The following NLK variants were observed in gnomAD, a reference collection of about 807,000 sequenced individuals.
NLK encodes nemo like kinase.
In NLK, 11 loss-of-function variants were observed where a neutral mutation model predicts 59.0. That is an observed-to-expected ratio of 0.19 (90% CI 0.12 to 0.31). The LOEUF (loss-of-function observed/expected upper bound fraction) is 0.31. Ranked by LOEUF, NLK falls within the 10% of genes least tolerant of loss-of-function variation. NLK has a pLI of 1.00. For synonymous variants in NLK, 235 were observed against 235.9 expected (o/e 1.00, Z 0.03); for missense variants, 410 against 661.1 (o/e 0.62, Z 4.16).
At chr17:28,084,794 C>T (rs1053450914) in intron 1 of NLK, among the ~76,000 whole-genome samples, 5 of 152,222 alleles carry the variant, frequency 3.3e-5, no homozygotes, top group Admixed American at 1.3e-4. Flanking sequence ...GAACTCCTAA[C>T]CTCATGATCT....
intron 1 of NLK, among the ~76,000 whole-genome samples, chr17:28,106,930 T>C (rs1384925942): frequency 6.6e-6 from 1 of 152,032 alleles, no homozygotes; most frequent in African/African-American, 2.4e-5. Context: ...CAAAAGGACC[T>C]AAAAAAGAAC....
chr17:28,200,593 C>A (rs1909604641), downstream of NLK, among the ~76,000 whole-genome samples: 2 of 152,342 alleles, frequency 1.3e-5, no homozygotes, highest in Admixed American at 1.3e-4. Flanking sequence ...AAGCGATTCT[C>A]CTGCCTCAGC....
At chr17:28,062,869 C>T (rs1277617958) in intron 1 of NLK, among the ~76,000 whole-genome samples, 5 of 152,222 alleles carry the variant, frequency 3.3e-5, no homozygotes, top group Non-Finnish European at 7.3e-5. Context: ...GCGTGAGCCA[C>T]TGCACCCTGC....
chr17:28,077,785 C>G (rs183884369), intron 1 of NLK, among the ~76,000 whole-genome samples: 5 of 152,214 alleles, frequency 3.3e-5, no homozygotes, highest in Non-Finnish European at 5.9e-5. Context: ...ATAATTCTTT[C>G]ATACTGGAAA....
At chr17:28,088,468 G>A (rs1193826249) in intron 1 of NLK, among the ~76,000 whole-genome samples, 1 of 152,046 alleles carries the variant, frequency 6.6e-6, no homozygotes, top group Admixed American at 6.5e-5. Flanking sequence ...TATAAATGAT[G>A]GGATAAATGC....
rs917722884 is a variant in NLK at position 28,161,458 on chromosome 17, T to G, written c.751+192T>G. Among the ~76,000 whole-genome samples, 12 of 152,238 alleles carry G rather than the reference T, an allele frequency of 7.9e-5. 1 individual carries two copies. The highest frequency in any genetic ancestry group is 3.9e-4 in the Admixed American group (6 of 15,288). ...GCTTTTTAGGGTTGCCAAATAGTTCTTGTTTTCAGTGATGAAAGAGAAAGC... is the reference window on the plus strand; with the variant it reads ...GCTTTTTAGGGTTGCCAAATAGTTCGTGTTTTCAGTGATGAAAGAGAAAGC... On this transcript the variant is annotated intron_variant, in intron 4 of 10. Coordinates refer to ENST00000407008, the MANE Select transcript of NLK (RefSeq NM_016231.5).
chr17:28,156,666 G>A (rs1011499624), intron 3 of NLK, among the ~76,000 whole-genome samples: 12 of 152,242 alleles, frequency 7.9e-5, no homozygotes, highest in East Asian at 5.8e-4. Context: ...ATAATGTCTT[G>A]TTTTTTAATT....
chr17:28,186,221 C>T (rs1278197169), intron 8 of NLK, among the ~76,000 whole-genome samples: 1 of 152,178 alleles, frequency 6.6e-6, no homozygotes, highest in Non-Finnish European at 1.5e-5. Flanking sequence ...GAGAAAGCTG[C>T]AACTTTCTCA....
At chr17:28,168,039 G>C (rs1176858050) in intron 5 of NLK, among the ~76,000 whole-genome samples, 2 of 151,120 alleles carry the variant, frequency 1.3e-5, no homozygotes, top group Non-Finnish European at 3.0e-5. Context: ...AAATGTTCCA[G>C]AGTGGCCGGG....
At chr17:28,142,337 A>T (rs1048981732) in intron 3 of NLK, among the ~76,000 whole-genome samples, 2 of 152,212 alleles carry the variant, frequency 1.3e-5, no homozygotes, top group African/African-American at 4.8e-5. Flanking sequence ...TGCCTGGGAA[A>T]GAGATTGTCG....
chr17:28,102,648 CAAA>C (rs74716454), intron 1 of NLK, among the ~76,000 whole-genome samples: 3 of 69,514 alleles, frequency 4.3e-5, no homozygotes, highest in Non-Finnish European at 3.0e-5. Context: ...GACTCCATCT[CAAA>C]AAAAAAAAAA....
chr17:28,171,474 CTG>C (rs1436603031), intron 6 of NLK: 1 of 152,138 alleles, frequency 6.6e-6, no homozygotes, highest in Non-Finnish European at 1.5e-5. Context: ...TGCAAGAAGA[CTG>C]TTTTATTGGT....
chr17:28,137,996 G>A (rs1400760559), intron 3 of NLK, among the ~76,000 whole-genome samples: 1 of 151,836 alleles, frequency 6.6e-6, no homozygotes, highest in Admixed American at 6.6e-5. Flanking sequence ...TTTTCATTTT[G>A]TACTTTGAGT....
intron 1 of NLK, among the ~76,000 whole-genome samples, chr17:28,075,351 G>T (rs1229415479): frequency 6.6e-6 from 1 of 152,184 alleles, no homozygotes; most frequent in African/African-American, 2.4e-5. Flanking sequence ...TGAATCAAAG[G>T]CAAGTAATCA....
chr17:28,141,168 G>A (rs1906974831), intron 3 of NLK, among the ~76,000 whole-genome samples: 1 of 152,174 alleles, frequency 6.6e-6, no homozygotes, highest in African/African-American at 2.4e-5. Context: ...ACAGAGGAGG[G>A]AGATCCTTTT....
chr17:28,089,773 G>A (rs758256201), intron 1 of NLK, among the ~76,000 whole-genome samples: 5 of 152,058 alleles, frequency 3.3e-5, no homozygotes, highest in Admixed American at 6.6e-5. Flanking sequence ...TGTGTGTGTA[G>A]TGTTACTTGT....
At chr17:28,200,060 T>C (rs917458222), downstream of NLK, among the ~76,000 whole-genome samples, 55 of 152,230 alleles carry the variant, frequency 3.6e-4, no homozygotes, top group African/African-American at 1.3e-3. Flanking sequence ...TGAATACAGG[T>C]CTTTTGTTGA....
intron 8 of NLK, among the ~76,000 whole-genome samples, chr17:28,188,428 T>C (rs1214321027): frequency 2.6e-5 from 4 of 152,182 alleles, no homozygotes; most frequent in Non-Finnish European, 4.4e-5. Context: ...AAAGAGAGGT[T>C]TGTTCTGATT....
At chr17:28,166,308 T>A (rs763694682) in intron 5 of NLK, among the ~76,000 whole-genome samples, 1 of 152,182 alleles carries the variant, frequency 6.6e-6, no homozygotes, top group African/African-American at 2.4e-5. Context: ...TATGGAAAAT[T>A]TTCCTGCTTT....
Sources: allele counts gnomAD v4.1 joint callset (sites outside exome capture counted in the v4.1 genomes callset), GRCh38; gene constraint gnomAD v4.1.1; transcripts MANE v1.5; gene names NCBI Gene and HGNC (gene_info 2026-07-23, HGNC 2026-07-21).